Variants in FAM204A observed in about 807,000 individuals in gnomAD.
The protein encoded by FAM204A is family with sequence similarity 204 member A.
Under a neutral mutation model 35.4 loss-of-function variants are expected in FAM204A, and 16 were observed. That is an observed-to-expected ratio of 0.45 (90% confidence interval 0.31 to 0.69). The LOEUF (loss-of-function observed/expected upper bound fraction) is 0.69, where lower values mean the gene tolerates loss of function less well. Among genes scored for constraint, FAM204A ranks in the 30% least tolerant of loss-of-function variants. The pLI is 0.07. For synonymous variants in FAM204A, 76 were observed against 86.9 expected, an observed-to-expected ratio of 0.88 and a Z score of 0.70; for missense variants, 240 against 265.7, an observed-to-expected ratio of 0.90 and a Z score of 0.67.
At chr10:118,329,033 A>G (rs1846246868) in intron 6 of FAM204A, among the ~76,000 whole-genome samples, 1 of 152,174 alleles carries the variant, frequency 6.6e-6, no homozygotes, top group African/African-American at 2.4e-5. Flanking sequence ...CTTCACACTG[A>G]AGGCCTACAA....
In FAM204A at chr10:118,309,238, C is replaced by T. The variant is rs563974533; in HGVS notation, c.*1619G>A. ...ATAATATTCTAAAACTTTGCTTTCT[C>T]TATGCTGGCTTTTCTCAACTAAATG... On this transcript the variant is annotated 3_prime_UTR_variant, in exon 9 of 9. Coordinates refer to ENST00000369183, the MANE Select transcript of FAM204A (RefSeq NM_022063.3). 6.6e-6 allele frequency: 1 copy of T among 152,222 alleles called. No homozygotes were observed. The highest frequency in any genetic ancestry group is 2.4e-5 in the African/African-American group (1 of 41,554). The allele number at this position is 152,222 out of a possible 1,614,324, so 9.4% of individuals were successfully genotyped here.
In FAM204A at chr10:118,301,677, A is replaced by G. The variant is rs1032208359; in HGVS notation, c.*9180T>C. 6.6e-6 allele frequency: 1 copy of G among 152,214 alleles called. No homozygotes were observed. The highest frequency in any genetic ancestry group is 2.4e-5 in the African/African-American group (1 of 41,458). The allele number at this position is 152,214 out of a possible 1,614,324, so 9.4% of individuals were successfully genotyped here. On this transcript the variant is annotated 3_prime_UTR_variant, in exon 9 of 9. Transcript: ENST00000369183. ...TCCAGAGAATTGTCTCCCAACAAGT[A>G]TATTGTTTGCTATATGTGAGAATCT...
chr10:118,337,736 G>A (rs749075649), intron 2 of FAM204A, among the ~76,000 whole-genome samples: 28 of 152,266 alleles, frequency 1.8e-4, no homozygotes, highest in Middle Eastern at 6.8e-3. Context: ...GTAATGCAGG[G>A]ATAATTATAC....
At chr10:118,338,498 G>A (rs755716627) in intron 2 of FAM204A, among the ~76,000 whole-genome samples, 13 of 152,116 alleles carry the variant, frequency 8.5e-5, no homozygotes, top group Non-Finnish European at 1.3e-4. Context: ...CATCACTGGA[G>A]TCTATGTTAG....
Position 118,306,489 on chromosome 10 carries a change from G to T in FAM204A, c.*4368C>A, listed in dbSNP as rs922622709. The T allele has an allele frequency of 2.6e-5, 4 of 152,180 alleles. No individual in the cohort carries two copies. 9.4% of individuals were successfully genotyped at this position (152,180 alleles called of 1,614,324 possible). On this transcript the variant is annotated 3_prime_UTR_variant, in exon 9 of 9. Coordinates refer to ENST00000369183, the MANE Select transcript of FAM204A (RefSeq NM_022063.3). ...GAGTTACTACTACTACTAATAAAAA[G>T]ATATTCCTCAGCTAATTCTTGATTT...
chr10:118,324,230 T>C (rs1459141470), intron 7 of FAM204A, among the ~76,000 whole-genome samples: 1 of 152,050 alleles, frequency 6.6e-6, no homozygotes, highest in Non-Finnish European at 1.5e-5. Context: ...CAAGAACTTA[T>C]AAGATGGGAA....
intron 2 of FAM204A, chr10:118,337,236 T>C (rs1846403232): frequency 1.0e-6 from 1 of 984,886 alleles, no homozygotes; most frequent in Non-Finnish European, 1.2e-6. Context: ...TCACTATTGA[T>C]CTTCATGGCA....
intron 7 of FAM204A, among the ~76,000 whole-genome samples, chr10:118,315,240 TAC>T (rs1846012843): frequency 6.6e-6 from 1 of 152,198 alleles, no homozygotes; most frequent in South Asian, 2.1e-4. Context: ...TGCAACACAG[TAC>T]AGATTTTTAA....
At position 118,301,536 on chromosome 10, in the gene FAM204A, T is replaced by G. The variant is rs1434227110; in HGVS notation, c.*9321A>C. On this transcript the variant is annotated 3_prime_UTR_variant, in exon 9 of 9. Coordinates refer to ENST00000369183, the MANE Select transcript of FAM204A (RefSeq NM_022063.3). ...AGCATGTCTGTTCTTTGCTCTAGAG[T>G]GAGACACTATCTCAATCTTCCAAGG... 1.3e-5 allele frequency: 2 copies of G among 152,102 alleles called. No homozygotes were observed. The highest frequency in any genetic ancestry group is 4.8e-5 in the African/African-American group (2 of 41,400). The allele number at this position is 152,102 out of a possible 1,614,324, so 9.4% of individuals were successfully genotyped here. A position where few individuals can be genotyped will look rare whatever the true frequency, so the allele number is the denominator to read the frequency against.
At chr10:118,317,608 T>C (rs1846051783) in intron 7 of FAM204A, among the ~76,000 whole-genome samples, 5 of 151,928 alleles carry the variant, frequency 3.3e-5, no homozygotes, top group Admixed American at 3.3e-4. Context: ...TTTCTGATAT[T>C]AAAATGCTGC....
intron 6 of FAM204A, among the ~76,000 whole-genome samples, chr10:118,334,524 G>C (rs1178385294): frequency 6.6e-6 from 1 of 152,160 alleles, no homozygotes; most frequent in Non-Finnish European, 1.5e-5. Flanking sequence ...CTCACAATCA[G>C]TTCACCAGGT....
chr10:118,311,180 A>G, intron 8 of FAM204A, 27 bp downstream of exon 8: 1 of 1,576,540 alleles, frequency 6.3e-7, no homozygotes, highest in Non-Finnish European at 8.7e-7. Flanking sequence ...CAGGAGATTT[A>G]CTACCAAAAA....
At chr10:118,332,296 T>C (rs1191735278) in intron 6 of FAM204A, among the ~76,000 whole-genome samples, 1 of 152,084 alleles carries the variant, frequency 6.6e-6, no homozygotes, top group Non-Finnish European at 1.5e-5. Flanking sequence ...TTTGTTTTCT[T>C]AGGCAAATTA....
In FAM204A at chr10:118,302,551, C is replaced by T. The variant is rs1845819167; in HGVS notation, c.*8306G>A. ...ATCTGAGGACTTTAATTAAGCCCTC[C>T]ACCATCGGGAATGGAACTTTTATGT... On this transcript the variant is annotated 3_prime_UTR_variant, in exon 9 of 9. Coordinates refer to ENST00000369183, the MANE Select transcript of FAM204A (RefSeq NM_022063.3). 1 of 152,232 alleles carries T rather than the reference C, an allele frequency of 6.6e-6. No homozygotes were observed. The highest frequency in any genetic ancestry group is 6.5e-5 in the Admixed American group (1 of 15,290). 9.4% of individuals were successfully genotyped at this position (152,232 alleles called of 1,614,324 possible). A position where few individuals can be genotyped will look rare whatever the true frequency, so the allele number is the denominator to read the frequency against.
chr10:118,310,017 C>T lies in FAM204A; in HGVS notation c.*840G>A, dbSNP rs1416589277. On this transcript the variant is annotated 3_prime_UTR_variant, in exon 9 of 9. Coordinates refer to ENST00000369183, the MANE Select transcript of FAM204A (RefSeq NM_022063.3). ...CAACTCTGAAATATCAAGTCTGCCT[C>T]CAATTAAAAAAAAACAGTAACTACT... 1 of 151,738 alleles carries T rather than the reference C, an allele frequency of 6.6e-6. No homozygotes were observed. Among genetic ancestry groups the T allele is most frequent in the Non-Finnish European group, 1.5e-5 (1 of 67,932 alleles). The allele number at this position is 151,738 out of a possible 1,614,324, so 9.4% of individuals were successfully genotyped here. A position where few individuals can be genotyped will look rare whatever the true frequency, so the allele number is the denominator to read the frequency against.
At chr10:118,341,074 A>C (rs1846472097) in intron 2 of FAM204A, among the ~76,000 whole-genome samples, 1 of 152,186 alleles carries the variant, frequency 6.6e-6, no homozygotes, top group African/African-American at 2.4e-5. Flanking sequence ...TGCTATACTA[A>C]GTTGCATACA....
rs1368063049 is a variant in FAM204A at position 118,302,066 on chromosome 10, T to C, written c.*8791A>G. ...CACGTCTGGCCTGGCGCCTGAGCACTTGCATCTCTATATTTCCTAGGTGAT... is the reference window on the plus strand; with the variant it reads ...CACGTCTGGCCTGGCGCCTGAGCACCTGCATCTCTATATTTCCTAGGTGAT... On this transcript the variant is annotated 3_prime_UTR_variant, in exon 9 of 9. Coordinates refer to ENST00000369183, the MANE Select transcript of FAM204A (RefSeq NM_022063.3). The C allele has an allele frequency of 6.6e-6, 1 of 152,362 alleles. No individual in the cohort carries two copies. Among genetic ancestry groups the C allele is most frequent in the East Asian group, 1.9e-4 (1 of 5,200 alleles). 9.4% of individuals were successfully genotyped at this position (152,362 alleles called of 1,614,324 possible).
Position 118,305,224 on chromosome 10 carries a change from A to G in FAM204A, c.*5633T>C, listed in dbSNP as rs552339173. The G allele has an allele frequency of 1.3e-5, 2 of 152,318 alleles. No individual in the cohort carries two copies. The highest frequency in any genetic ancestry group is 4.8e-5 in the African/African-American group (2 of 41,572). 9.4% of individuals were successfully genotyped at this position (152,318 alleles called of 1,614,324 possible). A position where few individuals can be genotyped will look rare whatever the true frequency, so the allele number is the denominator to read the frequency against. On this transcript the variant is annotated 3_prime_UTR_variant, in exon 9 of 9. Coordinates refer to ENST00000369183, the MANE Select transcript of FAM204A (RefSeq NM_022063.3). ...CTCCTTTGTCTCATGAACAAGAAAT[A>G]AGCTTGTATTGTGCTTGAGTCATTA... is the stretch of plus-strand genomic sequence containing the variant.
At chr10:118,329,395 A>C (rs1846253490) in intron 6 of FAM204A, among the ~76,000 whole-genome samples, 2 of 152,144 alleles carry the variant, frequency 1.3e-5, no homozygotes, top group African/African-American at 2.4e-5. Flanking sequence ...CCCCATCTTC[A>C]GCAATTAAAA....
Sources: gnomAD v4.1 joint callset for allele counts (sites outside exome capture counted in the v4.1 genomes callset) on GRCh38, gnomAD v4.1.1 for gene constraint, MANE v1.5 for transcripts, NCBI Gene and HGNC (gene_info 2026-07-23, HGNC 2026-07-21) for gene names.